CNTN5: variants seen among roughly 807,000 people sequenced by gnomAD.
The protein encoded by CNTN5 is contactin 5.
CNTN5 carries 77 observed loss-of-function variants against 129.1 expected under a neutral mutation model. The observed-to-expected ratio is 0.60, with a 90% CI of 0.50 to 0.72. CNTN5 has a LOEUF of 0.72. CNTN5 is among the 30% of genes least tolerant of loss of function. The pLI is 0.00. For missense variants in CNTN5, 1,478 were observed against 1,328.8 expected (o/e 1.11, Z -1.75); for synonymous variants, 509 against 465.6 (o/e 1.09, Z -1.20).
intron 1 of CNTN5, among the ~76,000 whole-genome samples, chr11:99,276,237 T>C (rs1220687264): frequency 6.6e-6 from 1 of 151,752 alleles, no homozygotes; most frequent in East Asian, 1.9e-4. Context: ...TGAAATGTCT[T>C]TACTTTAGAA....
At chr11:99,316,531 A>G (rs372319089) in intron 1 of CNTN5, among the ~76,000 whole-genome samples, 112 of 152,192 alleles carry the variant, frequency 7.4e-4, no homozygotes, top group African/African-American at 2.5e-3. Flanking sequence ...GGTGTTGTAT[A>G]TCTCTCATAT....
chr11:99,893,636 G>T (rs1949123438), intron 6 of CNTN5, among the ~76,000 whole-genome samples: 1 of 151,578 alleles, frequency 6.6e-6, no homozygotes, highest in South Asian at 2.1e-4. Flanking sequence ...TGTGGGCAAA[G>T]AAAAAAAATC....
chr11:99,965,181 G>C (rs1436913460), intron 8 of CNTN5, among the ~76,000 whole-genome samples: 1 of 152,072 alleles, frequency 6.6e-6, no homozygotes, highest in African/African-American at 2.4e-5. Flanking sequence ...TCTGATCTTA[G>C]TTATTTCTTG....
intron 3 of CNTN5, among the ~76,000 whole-genome samples, chr11:99,763,133 CAACAAT>C: frequency 9.1e-6 from 1 of 110,416 alleles, no homozygotes; most frequent in Non-Finnish European, 2.2e-5. Context: ...TTTACTGTAT[CAACAAT>C]GTTTTCTCTG....
At chr11:99,439,498 A>G (rs1181309250) in intron 2 of CNTN5, among the ~76,000 whole-genome samples, 2 of 152,020 alleles carry the variant, frequency 1.3e-5, no homozygotes, top group Non-Finnish European at 2.9e-5. Flanking sequence ...ACCTGAGGTC[A>G]GGAGTTCAAC....
chr11:99,264,853 A>AT (rs1042314738), intron 1 of CNTN5, among the ~76,000 whole-genome samples: 8 of 151,970 alleles, frequency 5.3e-5, no homozygotes, highest in African/African-American at 1.9e-4. Flanking sequence ...ATTTATCTTC[A>AT]TTTTTTTATG....
At chr11:99,873,624 A>C (rs901021521) in intron 6 of CNTN5, among the ~76,000 whole-genome samples, 1 of 152,166 alleles carries the variant, frequency 6.6e-6, no homozygotes, top group Admixed American at 6.6e-5. Flanking sequence ...AGGAATGTAA[A>C]TTCAATCTTT....
intron 9 of CNTN5, among the ~76,000 whole-genome samples, chr11:100,057,015 C>G (rs1943260041): frequency 6.6e-6 from 1 of 151,500 alleles, no homozygotes; most frequent in Admixed American, 6.6e-5. Context: ...TGCAAAGATT[C>G]TCAGCAGGTT....
chr11:99,634,784 G>A (rs951197529), intron 3 of CNTN5, among the ~76,000 whole-genome samples: 1 of 152,144 alleles, frequency 6.6e-6, no homozygotes, highest in East Asian at 1.9e-4. Context: ...TATTGGGCAA[G>A]AACGGAGATG....
chr11:99,590,934 A>G (rs1029394334), intron 3 of CNTN5, among the ~76,000 whole-genome samples: 14 of 151,372 alleles, frequency 9.2e-5, no homozygotes, highest in African/African-American at 3.4e-4. Context: ...TATGGTAAAC[A>G]TGAAATATCA....
intron 3 of CNTN5, among the ~76,000 whole-genome samples, chr11:99,768,069 T>C (rs1324815539): frequency 6.6e-6 from 1 of 152,076 alleles, no homozygotes; most frequent in East Asian, 1.9e-4. Flanking sequence ...ACTGCAAGAC[T>C]GAGTTGAGTA....
At chr11:99,988,070 C>A (rs1010794772) in intron 8 of CNTN5, among the ~76,000 whole-genome samples, 1 of 152,158 alleles carries the variant, frequency 6.6e-6, no homozygotes, top group Non-Finnish European at 1.5e-5. Context: ...GAAAACATTT[C>A]TCCTTTGAAC....
chr11:99,149,345 A>T (rs188477189), intron 1 of CNTN5, among the ~76,000 whole-genome samples: 8 of 152,266 alleles, frequency 5.3e-5, no homozygotes, highest in Admixed American at 3.9e-4. Context: ...AAGATGAGAG[A>T]CTTAAAAAAT....
rs541693276 is a variant in CNTN5 at position 99,352,792 on chromosome 11, C to T, written c.-71+27308C>T. Among the ~76,000 whole-genome samples the T allele has an allele frequency of 5.9e-5, 9 of 152,248 alleles. No homozygotes were observed. The South Asian group carries it at 1.9e-3, about 32-fold the overall frequency. On this transcript the variant is annotated intron_variant, in intron 2 of 24. Transcript: ENST00000524871. ...TTGTGTTGAAAAGGGAAGAGGAAGG[C>T]TCTGGCCTACGTGCTGTCCTTGGGG...
intron 2 of CNTN5, among the ~76,000 whole-genome samples, chr11:99,390,414 A>G (rs1467082462): frequency 6.6e-6 from 1 of 152,218 alleles, no homozygotes; most frequent in Admixed American, 6.6e-5. Flanking sequence ...TAAAAGAAAG[A>G]CATACTTGTT....
At chr11:99,128,138 C>T (rs925762953) in intron 1 of CNTN5, among the ~76,000 whole-genome samples, 1 of 152,176 alleles carries the variant, frequency 6.6e-6, no homozygotes, top group African/African-American at 2.4e-5. Context: ...GCCAAACATC[C>T]TCACTCAGAG....
intron 3 of CNTN5, among the ~76,000 whole-genome samples, chr11:99,710,463 A>G (rs1028801784): frequency 6.6e-6 from 1 of 151,754 alleles, no homozygotes; most frequent in Non-Finnish European, 1.5e-5. Flanking sequence ...TTGCATCTGA[A>G]TCTGTTGGAA....
At chr11:99,469,621 C>T (rs112760777) in intron 2 of CNTN5, among the ~76,000 whole-genome samples, 1,840 of 152,006 alleles carry the variant, frequency 0.012, 38 homozygotes, top group African/African-American at 0.042. Flanking sequence ...TGAGTTTAAA[C>T]TCAATAATAA....
At chr11:99,742,735 C>G (rs1357775489) in intron 3 of CNTN5, among the ~76,000 whole-genome samples, 1 of 152,150 alleles carries the variant, frequency 6.6e-6, no homozygotes, top group Non-Finnish European at 1.5e-5. Flanking sequence ...AATCTGTCAT[C>G]CTGCCTAGCG....
Sources: gnomAD v4.1 joint callset for allele counts (sites outside exome capture counted in the v4.1 genomes callset) on GRCh38, gnomAD v4.1.1 for gene constraint, MANE v1.5 for transcripts, NCBI Gene and HGNC (gene_info 2026-07-23, HGNC 2026-07-21) for gene names.